The following CSGALNACT1 variants were observed in gnomAD, a reference collection of about 807,000 sequenced individuals.
CSGALNACT1 encodes the protein beta4GalNAcT-1.
CSGALNACT1 carries 52 observed loss-of-function variants against 51.0 expected under a neutral mutation model. The observed-to-expected ratio is 1.02, with a 90% CI of 0.82 to 1.29. CSGALNACT1 has a LOEUF of 1.29. CSGALNACT1 is among the 50% of genes most tolerant of loss of function. The probability of loss-of-function intolerance (pLI) is 0.00; values close to 1 mark genes in which losing one functional copy is unlikely to be tolerated. For missense variants in CSGALNACT1, 935 were observed against 679.2 expected (o/e 1.38, Z -4.19); for synonymous variants, 341 against 254.4 (o/e 1.34, Z -3.24).
At chr8:19,703,337 T>C (rs1271586931) in intron 1 of CSGALNACT1, among the ~76,000 whole-genome samples, 1 of 152,132 alleles carries the variant, frequency 6.6e-6, no homozygotes, top group Non-Finnish European at 1.5e-5. Flanking sequence ...GCCATCTCAC[T>C]CTGTCACCCA....
intron 4 of CSGALNACT1, among the ~76,000 whole-genome samples, chr8:19,485,785 T>TTTGA (rs869188869): frequency 5.0e-5 from 7 of 141,382 alleles, no homozygotes; most frequent in Non-Finnish European, 1.5e-5. Flanking sequence ...TTTTTTTTTT[T>TTTGA]GACAGAGTTT....
chr8:19,455,365 TCA>T (rs1167791377), intron 5 of CSGALNACT1, among the ~76,000 whole-genome samples: 20 of 152,224 alleles, frequency 1.3e-4, no homozygotes, highest in Non-Finnish European at 5.9e-5. Context: ...CAACCACAGT[TCA>T]CAGTCTCCAG....
chr8:19,426,140 T>A (rs754142118), intron 6 of CSGALNACT1, among the ~76,000 whole-genome samples: 5 of 152,138 alleles, frequency 3.3e-5, no homozygotes, highest in Non-Finnish European at 7.4e-5. Flanking sequence ...GTGACCAATA[T>A]CCACTGGACG....
intron 4 of CSGALNACT1, among the ~76,000 whole-genome samples, chr8:19,473,132 C>T (rs994720220): frequency 5.3e-5 from 8 of 152,068 alleles, no homozygotes; most frequent in African/African-American, 1.4e-4. Flanking sequence ...TTTTTCAAGT[C>T]GCCACTGTGG....
chr8:19,447,906 G>A (rs2153789630), intron 5 of CSGALNACT1, among the ~76,000 whole-genome samples: 1 of 152,362 alleles, frequency 6.6e-6, no homozygotes, highest in South Asian at 2.1e-4. Context: ...GATACTGGGA[G>A]CTCAAGCCAG....
chr8:19,670,224 T>C (rs1224518829), intron 1 of CSGALNACT1, among the ~76,000 whole-genome samples: 1 of 152,198 alleles, frequency 6.6e-6, no homozygotes, highest in Admixed American at 6.5e-5. Flanking sequence ...TATTTTTAAA[T>C]GACCTCCACA....
At chr8:19,475,062 C>T (rs1029678305) in intron 4 of CSGALNACT1, among the ~76,000 whole-genome samples, 13 of 151,978 alleles carry the variant, frequency 8.6e-5, no homozygotes, top group African/African-American at 2.4e-4. Flanking sequence ...CCTAACTCTG[C>T]TGGGGAGATT....
intron 1 of CSGALNACT1, among the ~76,000 whole-genome samples, chr8:19,734,226 T>TA (rs2063843540): frequency 6.6e-6 from 1 of 152,194 alleles, no homozygotes; most frequent in Non-Finnish European, 1.5e-5. Flanking sequence ...TACCAAGTGT[T>TA]AAACTGGATG....
intron 1 of CSGALNACT1, among the ~76,000 whole-genome samples, chr8:19,666,831 G>GAGAGAGAGAGAGAAAGAA (rs1554794476): frequency 4.0e-5 from 1 of 24,908 alleles, no homozygotes. Flanking sequence ...GAGAGAGAGA[G>GAGAGAGAGAGAGAAAGAA]AGAAAGAAAG....
exon 4 of CSGALNACT1, chr8:19,505,678 C>G (rs2077197592): frequency 6.2e-7 from 1 of 1,614,154 alleles, no homozygotes; most frequent in South Asian, 1.1e-5. Context: ...CCCTCCTTCC[C>G]CGTGGGGCTG....
chr8:19,748,249 C>T (rs1412690908), intron 1 of CSGALNACT1, among the ~76,000 whole-genome samples: 1 of 152,154 alleles, frequency 6.6e-6, no homozygotes, highest in Non-Finnish European at 1.5e-5. Context: ...ATTAGGAATT[C>T]ATCCTTTAAC....
At chr8:19,439,955 T>C in intron 5 of CSGALNACT1, 24 bp from the exon 5 acceptor site, 2 of 1,584,698 alleles carry the variant, frequency 1.3e-6, no homozygotes, top group East Asian at 2.2e-5. Context: ...CACATGCATG[T>C]CTGGCACCTG....
At chr8:19,452,766 G>T (rs538120705) in intron 5 of CSGALNACT1, among the ~76,000 whole-genome samples, 1 of 151,990 alleles carries the variant, frequency 6.6e-6, no homozygotes, top group African/African-American at 2.4e-5. Flanking sequence ...CTACCCCTTG[G>T]GAAAACAATT....
intron 8 of CSGALNACT1, among the ~76,000 whole-genome samples, chr8:19,418,081 A>G (rs1223411659): frequency 6.6e-6 from 1 of 152,100 alleles, no homozygotes; most frequent in East Asian, 1.9e-4. Context: ...TTTGAGAGCC[A>G]CCTTGCCAGT....
chr8:19,625,495 G>A (rs1350548209), intron 1 of CSGALNACT1, among the ~76,000 whole-genome samples: 4 of 152,130 alleles, frequency 2.6e-5, no homozygotes, highest in Non-Finnish European at 5.9e-5. Flanking sequence ...TATCATCCCA[G>A]GTTTCTCAAA....
At chr8:19,679,395 T>A (rs186753176) in intron 1 of CSGALNACT1, among the ~76,000 whole-genome samples, 1 of 152,082 alleles carries the variant, frequency 6.6e-6, no homozygotes, top group Non-Finnish European at 1.5e-5. Flanking sequence ...AGGTCGAGGC[T>A]GCAATGAGCC....
chr8:19,525,818 C>T (rs2081569554), intron 3 of CSGALNACT1, among the ~76,000 whole-genome samples: 1 of 151,990 alleles, frequency 6.6e-6, no homozygotes, highest in Non-Finnish European at 1.5e-5. Flanking sequence ...GAACCAGCAC[C>T]TTGGCAGTGC....
At chr8:19,508,006 A>G (rs1563803703) in intron 3 of CSGALNACT1, among the ~76,000 whole-genome samples, 2 of 152,220 alleles carry the variant, frequency 1.3e-5, no homozygotes, top group Admixed American at 6.5e-5. Flanking sequence ...TTTTATAAAA[A>G]CTTGTCATTT....
At chr8:19,755,456 CAAAAAAAAAAA>C (rs71205945) in intron 1 of CSGALNACT1, among the ~76,000 whole-genome samples, 9,136 of 75,004 alleles carry the variant, frequency 0.12, 379 homozygotes, top group Middle Eastern at 0.26. Context: ...TAAAGAAAGA[CAAAAAAAAAAA>C]AAAAAAAAAA....
Sources: allele counts gnomAD v4.1 joint callset (sites outside exome capture counted in the v4.1 genomes callset), GRCh38; gene constraint gnomAD v4.1.1; transcripts MANE v1.5; gene names NCBI Gene and HGNC (gene_info 2026-07-23, HGNC 2026-07-21).